The following TRIM7 variants were observed in gnomAD, a reference collection of about 807,000 sequenced individuals.
TRIM7 encodes the protein tripartite motif containing 7.
A neutral mutation model predicts 37.9 loss-of-function variants in TRIM7; 32 were observed. The observed-to-expected ratio is 0.84, with a 90% CI of 0.64 to 1.13. The LOEUF (loss-of-function observed/expected upper bound fraction) is 1.13, where lower values mean the gene tolerates loss of function less well. Ranked by LOEUF, TRIM7 falls within the 50% of genes most tolerant of loss-of-function variation. TRIM7 has a pLI of 0.00. For synonymous variants in TRIM7, 351 were observed against 321.3 expected (o/e 1.09, Z -0.99); for missense variants, 732 against 714.0 (o/e 1.03, Z -0.29).
Position 181,204,746 on chromosome 5 carries a change from G to T in TRIM7, c.365C>A (p.Ala122Glu). The change falls in exon 1 of 7, where the codon GCG becomes GAG. Residue 122 changes from alanine to glutamate, a missense_variant. Transcript: ENST00000274773. ...GCAGCGGGCAGCCGCTGCCCGGGCC[G>T]CGGCCGCCTGAGACCCGTGCTCTCC... ...APGEHGSQAA[A>E]ARAAAARCGQ... 6.9e-7 allele frequency: 1 copy of T among 1,458,780 alleles called. No homozygotes were observed. Among genetic ancestry groups the T allele is most frequent in the East Asian group, 3.0e-5 (1 of 33,622 alleles). 90.4% of individuals were successfully genotyped at this position (1,458,780 alleles called of 1,614,324 possible).
chr5:181,202,728 G>T (rs1757576610), intron 2 of TRIM7: 1 of 150,990 alleles, frequency 6.6e-6, no homozygotes, highest in African/African-American at 2.5e-5. Context: ...CACCACGCCC[G>T]GCTATTTTGT....
chr5:181,204,428 A>G (rs1757694002), intron 1 of TRIM7, 161 bp downstream of exon 1: 18 of 1,155,754 alleles, frequency 1.6e-5, no homozygotes, highest in Non-Finnish European at 1.8e-5. Flanking sequence ...AACCGCGCTC[A>G]GCCCGGGAAC....
chr5:181,194,973 T>G lies in TRIM7; in HGVS notation c.*193A>C. 2 of 617,164 alleles carry G rather than the reference T, an allele frequency of 3.2e-6. No individual in the cohort carries two copies. Among genetic ancestry groups the G allele is most frequent in the East Asian group, 3.0e-5 (1 of 32,926 alleles). 38.2% of individuals were successfully genotyped at this position (617,164 alleles called of 1,614,324 possible). A position where few individuals can be genotyped will look rare whatever the true frequency, so the allele number is the denominator to read the frequency against. On this transcript the variant is annotated 3_prime_UTR_variant, in exon 7 of 7. Transcript: ENST00000274773. ...CTCAGGAAGGGAACACCCTCAGGAG[T>G]CCAAAGCCCCTGTTCCCCTGCTCGG...
intron 1 of TRIM7, 37 bp from the exon 2 acceptor site, chr5:181,203,677 G>A: frequency 6.4e-7 from 1 of 1,571,592 alleles, no homozygotes; most frequent in East Asian, 2.2e-5. Flanking sequence ...GTGGGGGTGA[G>A]GGGCTTCTGG....
chr5:181,195,167 C>T lies in TRIM7; in HGVS notation c.1535G>A (p.Ter512=), dbSNP rs148602621. Residue 512 remains the stop codon, a stop_retained_variant, in exon 7 of 7, where the codon TGA becomes TAA. Coordinates refer to ENST00000274773, the MANE Select transcript of TRIM7 (RefSeq NM_203293.3). ...STGTYLRIWP[*] ...ACAGGAGCTCCCCAGCAGTGCCCCTCAAGGCCAGATTCGCAAGTAGGTGCC... is the reference window on the plus strand; with the variant it reads ...ACAGGAGCTCCCCAGCAGTGCCCCTTAAGGCCAGATTCGCAAGTAGGTGCC... 1.3e-6 allele frequency: 2 copies of T among 1,593,674 alleles called. No individual in the cohort carries two copies. The highest frequency in any genetic ancestry group is 1.3e-5 in the African/African-American group (1 of 74,718).
chr5:181,199,586 G>A, intron 3 of TRIM7: 1 of 565,164 alleles, frequency 1.8e-6, no homozygotes, highest in Non-Finnish European at 3.0e-6. Flanking sequence ...CATACGTGTA[G>A]CAAAGGTGAG....
Position 181,205,032 on chromosome 5 carries a change from C to A in TRIM7, c.79G>T (p.Ala27Ser). The change falls in exon 1 of 7, where the codon GCG (alanine) becomes TCG (serine). Residue 27 changes from alanine to serine, a missense_variant. Physicochemically the swap from Ala to Ser is moderately conservative, Grantham distance 99. Transcript: ENST00000274773. ...AGCTCTAGGCAGATGGAGCACGTCGCCTCGCCCTGCAGCTCTGCCGCCAGC... is the reference window on the plus strand; with the variant it reads ...AGCTCTAGGCAGATGGAGCACGTCGACTCGCCCTGCAGCTCTGCCGCCAGC... Reference protein sequence around the residue: ...LALAAELQGEATCSICLELFR... With the variant: ...LALAAELQGESTCSICLELFR... 1 of 1,445,290 alleles carries A rather than the reference C, an allele frequency of 6.9e-7. No homozygotes were observed. Among genetic ancestry groups the A allele is most frequent in the Non-Finnish European group, 9.0e-7 (1 of 1,105,558 alleles). The allele number at this position is 1,445,290 out of a possible 1,614,324, so 89.5% of individuals were successfully genotyped here. A position where few individuals can be genotyped will look rare whatever the true frequency, so the allele number is the denominator to read the frequency against.
rs756967710 is a variant in TRIM7 at position 181,195,616 on chromosome 5, C to CTTAA, written c.1082_1085dup (p.Lys362AsnfsTer2). 1.9e-6 allele frequency: 3 copies of CTTAA among 1,570,304 alleles called. No individual in the cohort carries two copies. Among genetic ancestry groups the CTTAA allele is most frequent in the African/African-American group, 1.4e-5 (1 of 73,674 alleles). ...GGGCCCGCTCGCCGAGGCGCACGCC[C>CTTAA]TTAAGATCCAGAGAGAGGATGAGGC... On this transcript the variant is annotated stop_gained and frameshift_variant, in exon 7 of 7. Coordinates refer to ENST00000274773, the MANE Select transcript of TRIM7 (RefSeq NM_203293.3). LOFTEE classifies it low-confidence loss of function (END_TRUNC).
At position 181,195,023 on chromosome 5, in the gene TRIM7, C is replaced by G. The variant is rs1211897486; in HGVS notation, c.*143G>C. 1.1e-5 allele frequency: 12 copies of G among 1,052,004 alleles called. No homozygotes were observed. The highest frequency in any genetic ancestry group is 1.4e-5 in the Non-Finnish European group (10 of 736,278). 65.2% of individuals were successfully genotyped at this position (1,052,004 alleles called of 1,614,324 possible). A position where few individuals can be genotyped will look rare whatever the true frequency, so the allele number is the denominator to read the frequency against. The stretch of plus-strand genomic sequence containing the variant: ...GTTGGCCACAGTCACTCTCCTGCCT[C>G]GGGGTTGTGTCTGTAGCAGGCTCTC... On this transcript the variant is annotated 3_prime_UTR_variant, in exon 7 of 7. Coordinates refer to ENST00000274773, the MANE Select transcript of TRIM7 (RefSeq NM_203293.3).
intron 2 of TRIM7, chr5:181,203,223 G>A (rs1757615715): frequency 9.4e-7 from 1 of 1,064,338 alleles, no homozygotes; most frequent in Non-Finnish European, 1.2e-6. Context: ...ATAGTAATGT[G>A]TTCCATTACA....
Position 181,198,106 on chromosome 5 carries a change from C to T in TRIM7, c.1024+77G>A, listed in dbSNP as rs889554714. The T allele has an allele frequency of 6.4e-6, 10 of 1,558,024 alleles. No homozygotes were observed. In the African/African-American group the frequency reaches 1.4e-4, roughly 21 times the overall value. Reference sequence around the variant, plus strand: ...GAAGGAACCGACCATATGCAAAACCCTGAGATGGTCACGAGCAGGGAGTAG... The same window carrying T: ...GAAGGAACCGACCATATGCAAAACCTTGAGATGGTCACGAGCAGGGAGTAG... On this transcript the variant is annotated intron_variant, in intron 6 of 6. Transcript: ENST00000274773.
In TRIM7 at chr5:181,199,202, C is replaced by T. The variant is rs1164861028; in HGVS notation, c.850-85G>A. 5 of 1,520,634 alleles carry T rather than the reference C, an allele frequency of 3.3e-6. No homozygotes were observed. In the East Asian group the frequency reaches 6.7e-5, roughly 21 times the overall value. 94.2% of individuals were successfully genotyped at this position (1,520,634 alleles called of 1,614,324 possible). ...AAACAAAGCTTGCCCCTTGCTGTGC[C>T]TCCCAGATGTAAGCATAAGCAAGTG... On this transcript the variant is annotated intron_variant, in intron 3 of 6. Transcript: ENST00000274773.
At chr5:181,200,214 C>T in intron 2 of TRIM7, 133 bp from the exon 3 acceptor site, 2 of 1,566,040 alleles carry the variant, frequency 1.3e-6, no homozygotes, top group South Asian at 1.2e-5. Context: ...CCCACCTACG[C>T]ACGCAGTGCG....
rs1757727765 is a variant in TRIM7 at position 181,204,861 on chromosome 5, G to C, written c.250C>G (p.Pro84Ala). The C allele has an allele frequency of 7.5e-7, 1 of 1,340,402 alleles. No individual in the cohort carries two copies. The highest frequency in any genetic ancestry group is 3.1e-5 in the East Asian group (1 of 32,312). The allele number at this position is 1,340,402 out of a possible 1,614,324, so 83.0% of individuals were successfully genotyped here. A position where few individuals can be genotyped will look rare whatever the true frequency, so the allele number is the denominator to read the frequency against. Residue 84 changes from proline to alanine, a missense_variant, in exon 1 of 7, where the codon CCC becomes GCC. Coordinates refer to ENST00000274773, the MANE Select transcript of TRIM7 (RefSeq NM_203293.3). ...GGCCGCAGCTGACTGGGGCGCGCGGGCTCGCGGCACTGCGGACAGGGCAGT... is the reference window on the plus strand; with the variant it reads ...GGCCGCAGCTGACTGGGGCGCGCGGCCTCGCGGCACTGCGGACAGGGCAGT... ...FPLPCPQCREPARPSQLRPNR... is the reference protein window; with the variant it reads ...FPLPCPQCREAARPSQLRPNR...
intron 2 of TRIM7, chr5:181,202,216 G>C (rs1472264776): frequency 1.5e-5 from 2 of 135,342 alleles, no homozygotes; most frequent in African/African-American, 2.9e-5. Context: ...TTTCACTCTC[G>C]TTGCCCAGGC....
chr5:181,202,723 C>T (rs529496644), intron 2 of TRIM7: 6 of 151,704 alleles, frequency 4.0e-5, no homozygotes, highest in African/African-American at 7.3e-5. Context: ...CCCGCCACCA[C>T]GCCCGGCTAT....
chr5:181,205,049 G>T lies in TRIM7; in HGVS notation c.62C>A (p.Ala21Glu). The change falls in exon 1 of 7, where the codon GCA becomes GAA. Residue 21 changes from alanine to glutamate, a missense_variant. By Grantham distance (107) the Ala-to-Glu change is moderately radical (BLOSUM62 -1). Coordinates refer to ENST00000274773, the MANE Select transcript of TRIM7 (RefSeq NM_203293.3). ...GCACGTCGCCTCGCCCTGCAGCTCT[G>T]CCGCCAGCGCTAGAGCCTCGGCGCC... ...GTGAEALALA[A>E]ELQGEATCSI... 1 of 1,410,184 alleles carries T rather than the reference G, an allele frequency of 7.1e-7. No individual in the cohort carries two copies. 87.4% of individuals were successfully genotyped at this position (1,410,184 alleles called of 1,614,324 possible).
At chr5:181,197,973 A>G in intron 6 of TRIM7, 1 of 600,770 alleles carries the variant, frequency 1.7e-6, no homozygotes, top group South Asian at 2.0e-5. Context: ...GCTCCTAACC[A>G]ACCTGCAGCA....
chr5:181,199,983 C>T lies in TRIM7; in HGVS notation c.717G>A (p.Glu239=), dbSNP rs1195839979. 3.1e-6 allele frequency: 5 copies of T among 1,614,276 alleles called. No individual in the cohort carries two copies. The East Asian group carries it at 8.9e-5, about 29-fold the overall frequency. The change falls in exon 3 of 7, where the codon GAG becomes GAA. Residue 239 remains glutamate (E), a synonymous_variant. Coordinates refer to ENST00000274773, the MANE Select transcript of TRIM7 (RefSeq NM_203293.3). ...EQEGRLLGRL[E]ELSREVAQKQ... ...TCTGTGCCACCTCCCGGGACAGTTCCTCCAGGCGGCCTAGCAGCCGACCCT... is the reference window on the plus strand; with the variant it reads ...TCTGTGCCACCTCCCGGGACAGTTCTTCCAGGCGGCCTAGCAGCCGACCCT...
Sources: allele counts gnomAD v4.1 joint callset, GRCh38; gene constraint gnomAD v4.1.1; transcripts MANE v1.5; gene names NCBI Gene and HGNC (gene_info 2026-07-23, HGNC 2026-07-21).